HIBCH: variants seen among roughly 807,000 people sequenced by gnomAD.
HIBCH encodes the protein 3-hydroxyisobutyryl-CoA hydrolase, mitochondrial.
A neutral mutation model predicts 58.2 loss-of-function variants in HIBCH; 50 were observed. The observed-to-expected ratio is 0.86, with a 90% confidence interval of 0.68 to 1.09. HIBCH has a LOEUF of 1.09. HIBCH is among the 50% of genes least tolerant of loss of function. HIBCH has a pLI of 0.00. For missense variants in HIBCH, 450 were observed against 449.7 expected, an observed-to-expected ratio of 1.00 and a Z score of -0.01; for synonymous variants, 151 against 146.9, an observed-to-expected ratio of 1.03 and a Z score of -0.20.
At chr2:190,201,192 T>C (rs2105891343), downstream of HIBCH, 1 of 167,172 alleles carries the variant, frequency 6.0e-6, no homozygotes, top group South Asian at 2.1e-4. Context: ...TAGCCACCTA[T>C]TATACTGTTT....
At chr2:190,191,990 T>G (rs1575673654) in intron 1 of HIBCH, among the ~76,000 whole-genome samples, 1 of 152,196 alleles carries the variant, frequency 6.6e-6, no homozygotes, top group Admixed American at 6.5e-5. Context: ...ACCAGTTTTT[T>G]TCTTTCATGG....
At chr2:190,283,253 C>T (rs1240351896) in intron 6 of HIBCH, among the ~76,000 whole-genome samples, 1 of 152,106 alleles carries the variant, frequency 6.6e-6, no homozygotes, top group Non-Finnish European at 1.5e-5. Context: ...TTTCGATTAC[C>T]TGCTCCACCC....
At chr2:190,278,625 AGC>A (rs1687622924) in intron 6 of HIBCH, among the ~76,000 whole-genome samples, 2 of 31,048 alleles carry the variant, frequency 6.4e-5, no homozygotes, top group Admixed American at 1.8e-4. Flanking sequence ...GAACCTGTAG[AGC>A]AGCAGTTTTT....
chr2:190,199,411 G>A (rs922334798), downstream of HIBCH, among the ~76,000 whole-genome samples: 1 of 143,932 alleles, frequency 6.9e-6, no homozygotes, highest in Non-Finnish European at 1.5e-5. Context: ...ATCTAAGCTA[G>A]CAAAAATTGA....
chr2:190,244,709 T>C (rs369513876), intron 11 of HIBCH, among the ~76,000 whole-genome samples, 178 bp downstream of exon 11: 65 of 152,286 alleles, frequency 4.3e-4, no homozygotes, highest in Non-Finnish European at 5.3e-4. Flanking sequence ...ACACGGCACT[T>C]GGATTTAGGT....
chr2:190,211,062 C>T lies in HIBCH; in HGVS notation c.1011+1894G>A, dbSNP rs193254833. On this transcript the variant is annotated intron_variant, in intron 12 of 13. Transcript: ENST00000359678. This position sits in a 1 kb window ranked among gnomAD's most constrained non-coding sequence, Gnocchi z 5.0. ...CAGGTGTTATCCTACTCCCTACTCCCCAAGATAATGATTTAAACTGTTTTC... is the reference window on the plus strand; with the variant it reads ...CAGGTGTTATCCTACTCCCTACTCCTCAAGATAATGATTTAAACTGTTTTC... Among the ~76,000 whole-genome samples the T allele has an allele frequency of 1.0e-3, 159 of 152,244 alleles. No homozygotes were observed. The highest frequency in any genetic ancestry group is 3.8e-3 in the African/African-American group (157 of 41,530).
chr2:190,208,007 A>G (rs1388389642), intron 13 of HIBCH, among the ~76,000 whole-genome samples: 3 of 152,266 alleles, frequency 2.0e-5, no homozygotes, highest in Admixed American at 1.3e-4. Context: ...CATTTTATAC[A>G]ACATAAATAA....
chr2:190,235,354 C>A (rs541000019), intron 11 of HIBCH, among the ~76,000 whole-genome samples: 1 of 152,272 alleles, frequency 6.6e-6, no homozygotes, highest in South Asian at 2.1e-4. Context: ...TGTCAGTTTG[C>A]CAACATTCTG....
At chr2:190,298,312 A>T (rs1688165163) in intron 2 of HIBCH, among the ~76,000 whole-genome samples, 1 of 152,194 alleles carries the variant, frequency 6.6e-6, no homozygotes, top group South Asian at 2.1e-4. Context: ...CTGGTTCTAG[A>T]TCCTTGAGGA....
chr2:190,225,347 G>T (rs911159048), intron 11 of HIBCH, among the ~76,000 whole-genome samples: 3 of 152,164 alleles, frequency 2.0e-5, no homozygotes, highest in Admixed American at 2.0e-4. Context: ...TTTTTGAAAA[G>T]ATCAACAAAA....
At chr2:190,190,370 T>C (rs998851309) in intron 1 of HIBCH, among the ~76,000 whole-genome samples, 4 of 152,244 alleles carry the variant, frequency 2.6e-5, no homozygotes, top group African/African-American at 9.6e-5. Flanking sequence ...TGGTTTGACA[T>C]ACCAATAGTT....
At chr2:190,316,317 G>C (rs1036065920) in intron 1 of HIBCH, among the ~76,000 whole-genome samples, 2 of 151,980 alleles carry the variant, frequency 1.3e-5, no homozygotes, top group African/African-American at 4.8e-5. Flanking sequence ...TTTTTGTAGA[G>C]AGACAGTCTA....
chr2:190,280,408 G>A (rs1441798718), intron 6 of HIBCH, among the ~76,000 whole-genome samples: 1 of 152,104 alleles, frequency 6.6e-6, no homozygotes, highest in African/African-American at 2.4e-5. Context: ...TGACCATCAA[G>A]TGATGGTCAG....
chr2:190,289,420 T>C (rs1026725426), intron 5 of HIBCH, among the ~76,000 whole-genome samples: 1 of 152,214 alleles, frequency 6.6e-6, no homozygotes, highest in Non-Finnish European at 1.5e-5. Context: ...TAAAATCTTT[T>C]AGTTCATAAA....
At chr2:190,289,883 T>C (rs1687919189) in intron 5 of HIBCH, among the ~76,000 whole-genome samples, 1 of 152,238 alleles carries the variant, frequency 6.6e-6, no homozygotes, top group Admixed American at 6.5e-5. Context: ...TATTTTCATA[T>C]TGATTTATTT....
chr2:190,278,097 C>G (rs1379917204), intron 6 of HIBCH, among the ~76,000 whole-genome samples: 2 of 152,126 alleles, frequency 1.3e-5, no homozygotes, highest in Admixed American at 1.3e-4. Context: ...AAAAATTGTT[C>G]CTAAAGTGAA....
downstream of HIBCH, chr2:190,199,716 A>G: frequency 6.8e-7 from 1 of 1,471,832 alleles, no homozygotes. Context: ...ACACGTGAAG[A>G]GTGGTGAAAG....
intron 6 of HIBCH, among the ~76,000 whole-genome samples, chr2:190,264,466 T>C (rs1687176433): frequency 6.6e-6 from 1 of 152,168 alleles, no homozygotes; most frequent in African/African-American, 2.4e-5. Flanking sequence ...CACTACACCC[T>C]CCATCCCTCA....
downstream of HIBCH, chr2:190,201,614 A>T (rs1690246321): frequency 6.0e-6 from 1 of 167,072 alleles, no homozygotes; most frequent in African/African-American, 2.4e-5. Flanking sequence ...CCACAATCAA[A>T]TAGAGTGAAT....
Sources: allele counts gnomAD v4.1 joint callset (sites outside exome capture counted in the v4.1 genomes callset), GRCh38; gene constraint gnomAD v4.1.1; non-coding constraint Gnocchi (gnomAD v3.1); transcripts MANE v1.5; gene names NCBI Gene and HGNC (gene_info 2026-07-23, HGNC 2026-07-21).